NCR1: variants seen among roughly 807,000 people sequenced by gnomAD.
The protein encoded by NCR1 is NK cell-activating receptor.
Under a neutral mutation model 32.5 loss-of-function variants are expected in NCR1, and 30 were observed. The ratio of observed to expected loss-of-function variants is 0.92; its 90% CI spans 0.69 to 1.25. NCR1 has a LOEUF of 1.25. Among genes scored for constraint, NCR1 ranks in the 50% most tolerant of loss-of-function variants. The pLI is 0.00. For synonymous variants in NCR1, 169 were observed against 143.4 expected (o/e 1.18, Z -1.28); for missense variants, 369 against 380.7 (o/e 0.97, Z 0.26).
the NCR1 span, among the ~76,000 whole-genome samples, chr19:54,929,283 T>C: frequency 6.6e-6 from 1 of 152,012 alleles, no homozygotes; most frequent in Admixed American, 6.6e-5. Flanking sequence ...GAGAATCGCT[T>C]GAACCTTGGA....
chr19:54,909,475 A>G lies in NCR1; in HGVS notation c.586A>G (p.Asn196Asp). Residue 196 changes from asparagine to aspartate, a missense_variant, in exon 4 of 7, where the codon AAC (asparagine) becomes GAC (aspartate). Asn to Asp is a conservative substitution (Grantham distance 23). Transcript: ENST00000291890. The stretch of plus-strand genomic sequence containing the variant: ...ATACCGATGTTTTGGCTCCTATAAC[A>G]ACCATGCCTGGTCTTTCCCCAGTGA... ...GTYRCFGSYNNHAWSFPSEPV... is the reference protein window; with the variant it reads ...GTYRCFGSYNDHAWSFPSEPV... 1 of 1,610,664 alleles carries G rather than the reference A, an allele frequency of 6.2e-7. No homozygotes were observed. The highest frequency in any genetic ancestry group is 8.5e-7 in the Non-Finnish European group (1 of 1,179,974).
Position 54,912,944 on chromosome 19 carries a change from G to T in NCR1, c.*73G>T, listed in dbSNP as rs1366763293. 3 of 1,454,450 alleles carry T rather than the reference G, an allele frequency of 2.1e-6. No homozygotes were observed. In the African/African-American group the frequency reaches 4.2e-5, roughly 20 times the overall value. 90.1% of individuals were successfully genotyped at this position (1,454,450 alleles called of 1,614,324 possible). On this transcript the variant is annotated 3_prime_UTR_variant, in exon 7 of 7. Coordinates refer to ENST00000291890, the MANE Select transcript of NCR1 (RefSeq NM_004829.7). ...GTTGAGCCTGGGCGGCGTGAGCTCT[G>T]TGTTGGACCCACGGAGGAGGGAGTC...
chr19:54,919,810 T>C (rs1438252129), downstream of NCR1, among the ~76,000 whole-genome samples: 2 of 149,286 alleles, frequency 1.3e-5, no homozygotes, highest in East Asian at 2.1e-4. Context: ...ATCCGCTTGG[T>C]GACGGGTGTC....
downstream of NCR1, among the ~76,000 whole-genome samples, chr19:54,918,497 C>G (rs1158492286): frequency 2.0e-5 from 3 of 152,078 alleles, no homozygotes; most frequent in Non-Finnish European, 1.5e-5. Flanking sequence ...TGGTCTCGAA[C>G]TCCTGGCCTC....
At chr19:54,906,385 C>T (rs768140078) in intron 2 of NCR1, 51 bp downstream of exon 2, 1 of 1,607,962 alleles carries the variant, frequency 6.2e-7, no homozygotes. Flanking sequence ...TCAGGCCAAG[C>T]TCCTTCCACC....
chr19:54,923,730 C>T, the NCR1 span: 123 of 1,612,388 alleles, frequency 7.6e-5, no homozygotes, highest in Admixed American at 3.8e-4. Context: ...GTAGAGCGAT[C>T]CCAGGCTGCT....
At chr19:54,934,848 T>G in the NCR1 span, among the ~76,000 whole-genome samples, 1 of 152,078 alleles carries the variant, frequency 6.6e-6, no homozygotes, top group Non-Finnish European at 1.5e-5. This position sits in a 1 kb window ranked among gnomAD's most constrained non-coding sequence, Gnocchi z 6.7. Context: ...TAGCTGGGAT[T>G]ACAGGCATTC....
downstream of NCR1, among the ~76,000 whole-genome samples, chr19:54,913,669 C>T (rs919663551): frequency 6.6e-6 from 1 of 151,546 alleles, no homozygotes; most frequent in Admixed American, 6.6e-5. Context: ...CGGTGGCTCA[C>T]ACCTGTAATC....
the NCR1 span, chr19:54,927,777 T>G: frequency 3.7e-6 from 6 of 1,613,626 alleles, no homozygotes; most frequent in Middle Eastern, 1.6e-4. Flanking sequence ...CTCCAGAGGC[T>G]GTTGAGGAAG....
the NCR1 span, chr19:54,927,713 T>C: frequency 6.2e-7 from 1 of 1,614,124 alleles, no homozygotes; most frequent in African/African-American, 1.3e-5. Flanking sequence ...AAGCTTCTGA[T>C]TGCTGAGGAG....
At chr19:54,933,045 C>T in the NCR1 span, among the ~76,000 whole-genome samples, 1 of 152,152 alleles carries the variant, frequency 6.6e-6, no homozygotes, top group East Asian at 1.9e-4. Flanking sequence ...GCATCAGATC[C>T]GAGAACCAAC....
the NCR1 span, among the ~76,000 whole-genome samples, chr19:54,922,283 A>G: frequency 6.6e-6 from 1 of 152,244 alleles, no homozygotes; most frequent in African/African-American, 2.4e-5. Context: ...CCTGGAAGCC[A>G]GTGCTAACAT....
At chr19:54,904,640 C>G (rs2067454950), upstream of NCR1, among the ~76,000 whole-genome samples, 1 of 149,682 alleles carries the variant, frequency 6.7e-6, no homozygotes, top group African/African-American at 2.5e-5. Flanking sequence ...TCAAGCAATT[C>G]TCCTGCCTCA....
upstream of NCR1, among the ~76,000 whole-genome samples, chr19:54,903,343 CATATAT>C (rs1300248013): frequency 8.7e-4 from 96 of 109,800 alleles, no homozygotes; most frequent in Non-Finnish European, 1.1e-3. Context: ...TATGTATATA[CATATAT>C]GCATATATAC....
At chr19:54,898,594 T>G in the NCR1 span, among the ~76,000 whole-genome samples, 1 of 152,182 alleles carries the variant, frequency 6.6e-6, no homozygotes, top group East Asian at 1.9e-4. Flanking sequence ...TGGAGCTTTA[T>G]TTAATGTTGG....
upstream of NCR1, among the ~76,000 whole-genome samples, chr19:54,903,300 A>G (rs766685042): frequency 1.7e-4 from 25 of 147,038 alleles, no homozygotes; most frequent in Non-Finnish European, 3.3e-4. Context: ...ATACACATAT[A>G]CGTATATGTA....
intron 4 of NCR1, 59 bp from the exon 5 acceptor site, chr19:54,909,959 A>G: frequency 7.4e-7 from 1 of 1,347,144 alleles, no homozygotes; most frequent in Non-Finnish European, 1.0e-6. Context: ...AAAAAAAAGA[A>G]TGGCAAGACC....
In NCR1 at chr19:54,909,151, C is replaced by A. The variant is rs2067804807; in HGVS notation, c.356-94C>A. 9 of 1,256,030 alleles carry A rather than the reference C, an allele frequency of 7.2e-6. No individual in the cohort carries two copies. In the South Asian group the frequency reaches 1.3e-4, roughly 19 times the overall value. The allele number at this position is 1,256,030 out of a possible 1,614,324, so 77.8% of individuals were successfully genotyped here. On this transcript the variant is annotated intron_variant, in intron 3 of 6. Coordinates refer to ENST00000291890, the MANE Select transcript of NCR1 (RefSeq NM_004829.7). ...TGTCACTGCACTCCAGCCTGGGCGA[C>A]AGAGAGAGACTCCATCTCTAAAGAA...
At chr19:54,922,897 CACAGAA>C in the NCR1 span, among the ~76,000 whole-genome samples, 4 of 150,764 alleles carry the variant, frequency 2.7e-5, no homozygotes, top group Non-Finnish European at 4.4e-5. Flanking sequence ...GAGACACACA[CACAGAA>C]ACAGACACAG....
Sources: allele counts gnomAD v4.1 joint callset (sites outside exome capture counted in the v4.1 genomes callset), GRCh38; gene constraint gnomAD v4.1.1; non-coding constraint Gnocchi (gnomAD v3.1); transcripts MANE v1.5; gene names NCBI Gene and HGNC (gene_info 2026-07-23, HGNC 2026-07-21).